BAZ2B: variants seen among roughly 807,000 people sequenced by gnomAD.
The protein encoded by BAZ2B is bromodomain adjacent to zinc finger domain 2B, also known as bromodomain adjacent to zinc finger domain protein 2B.
Under a neutral mutation model 246.0 loss-of-function variants are expected in BAZ2B, and 91 were observed. The ratio of observed to expected loss-of-function variants is 0.37; its 90% CI spans 0.31 to 0.44. The LOEUF (loss-of-function observed/expected upper bound fraction) is 0.44, where lower values mean the gene tolerates loss of function less well. Ranked by LOEUF, BAZ2B falls within the 20% of genes least tolerant of loss-of-function variation. The pLI is 1.00. For missense variants in BAZ2B, 2,332 were observed against 2,533.7 expected (o/e 0.92, Z 1.71); for synonymous variants, 855 against 860.0 (o/e 0.99, Z 0.10).
rs765407135 is a variant in BAZ2B at position 159,446,953 on chromosome 2, T to C, written c.525A>G (p.Gly175=). 1 of 1,584,256 alleles carries C rather than the reference T, an allele frequency of 6.3e-7. No homozygotes were observed. Among genetic ancestry groups the C allele is most frequent in the Non-Finnish European group, 8.6e-7 (1 of 1,167,944 alleles). ...TACCAATTACAGATGATGTATTACTTCCATTTATTGACCCATTTACACCTT... is the reference window on the plus strand; with the variant it reads ...TACCAATTACAGATGATGTATTACTCCCATTTATTGACCCATTTACACCTT... ...PEKGVNGSIN[G]SNTSSVIGIN... The change falls in exon 6 of 37, where the codon GGA becomes GGG. Residue 175 remains glycine, a synonymous_variant. Coordinates refer to ENST00000392783, the MANE Select transcript of BAZ2B (RefSeq NM_013450.4).
At chr2:159,573,757 T>C (rs1377385471) in intron 1 of BAZ2B, among the ~76,000 whole-genome samples, 5 of 152,056 alleles carry the variant, frequency 3.3e-5, no homozygotes, top group Non-Finnish European at 5.9e-5. Context: ...CTGAAGACAG[T>C]TGTATCCAAA....
the BAZ2B span, among the ~76,000 whole-genome samples, chr2:159,706,630 T>C: frequency 6.6e-6 from 1 of 152,374 alleles, no homozygotes; most frequent in African/African-American, 2.4e-5. Flanking sequence ...TTTTATGGTT[T>C]ACTCCAGAGG....
chr2:159,626,149 C>T, the BAZ2B span, among the ~76,000 whole-genome samples: 1 of 152,066 alleles, frequency 6.6e-6, no homozygotes, highest in Non-Finnish European at 1.5e-5. Flanking sequence ...TATATATGCA[C>T]CCAATACATG....
intron 2 of BAZ2B, among the ~76,000 whole-genome samples, chr2:159,481,339 G>A (rs1204563420): frequency 1.3e-5 from 2 of 151,762 alleles, no homozygotes; most frequent in Non-Finnish European, 2.9e-5. Flanking sequence ...TTACCATATC[G>A]TAAGAACTAG....
chr2:159,694,216 T>G, the BAZ2B span: 1 of 152,082 alleles, frequency 6.6e-6, no homozygotes, highest in East Asian at 1.9e-4. Context: ...AAGTTAGCCA[T>G]CTACAAGCCA....
chr2:159,656,849 T>C, the BAZ2B span, among the ~76,000 whole-genome samples: 2 of 152,176 alleles, frequency 1.3e-5, no homozygotes, highest in African/African-American at 2.4e-5. Flanking sequence ...GTCTGTTTTC[T>C]TATTTTTGAA....
chr2:159,428,400 T>C lies in BAZ2B; in HGVS notation c.2275A>G (p.Ile759Val), dbSNP rs755016717. ...TGAAGGCGCCCTCCAAAGTTTCTTATTCTTGTCTCTCTCTGCCAGCTACAC... is the reference window on the plus strand; with the variant it reads ...TGAAGGCGCCCTCCAAAGTTTCTTACTCTTGTCTCTCTCTGCCAGCTACAC... Reference protein sequence around the residue: ...LEYGWQRETRIRNFGGRLQGE... With the variant: ...LEYGWQRETRVRNFGGRLQGE... Residue 759 changes from isoleucine (I) to valine (V), a missense_variant, in exon 12 of 37, where the codon ATA becomes GTA. Physicochemically the swap from Ile to Val is conservative, Grantham distance 29 (BLOSUM62 3). This residue lies in a region of BAZ2B where 651 missense variants were observed against 650.9 expected (regional missense o/e 1.00). Coordinates refer to ENST00000392783, the MANE Select transcript of BAZ2B (RefSeq NM_013450.4). The C allele has an allele frequency of 5.6e-6, 9 of 1,613,104 alleles. No individual in the cohort carries two copies. Among genetic ancestry groups the C allele is most frequent in the Middle Eastern group, 1.7e-4 (1 of 6,058 alleles).
intron 20 of BAZ2B, among the ~76,000 whole-genome samples, chr2:159,394,045 T>C (rs2063673807): frequency 6.6e-6 from 1 of 151,996 alleles, no homozygotes; most frequent in South Asian, 2.1e-4. Context: ...TGCCTAAAGA[T>C]AACGTTCTGG....
At chr2:159,595,510 T>G (rs750455460) in intron 1 of BAZ2B, among the ~76,000 whole-genome samples, 3 of 152,190 alleles carry the variant, frequency 2.0e-5, no homozygotes, top group East Asian at 3.8e-4. Context: ...AAAAGTGGTG[T>G]TGTGTGTGCT....
chr2:159,414,396 A>T (rs2067305661), intron 13 of BAZ2B, among the ~76,000 whole-genome samples: 1 of 152,248 alleles, frequency 6.6e-6, no homozygotes, highest in Non-Finnish European at 1.5e-5. Flanking sequence ...ATAATTTATC[A>T]TACATTTAAA....
Position 159,349,256 on chromosome 2 carries a change from C to T in BAZ2B, c.4888G>A (p.Gly1630Arg). The T allele has an allele frequency of 1.2e-6, 2 of 1,612,244 alleles. No homozygotes were observed. The highest frequency in any genetic ancestry group is 1.7e-6 in the Non-Finnish European group (2 of 1,178,760). Residue 1630 changes from glycine (G) to arginine (R), a missense_variant, in exon 29 of 37, where the codon GGA becomes AGA. Gly to Arg is a moderately radical substitution (Grantham distance 125). This residue lies in a region of BAZ2B where 676 missense variants were observed against 668.6 expected (regional missense o/e 1.01). Coordinates refer to ENST00000392783, the MANE Select transcript of BAZ2B (RefSeq NM_013450.4). ...LQVKGGVSMM[G>R]LQFCGWPTGV... ...GTGGGCCATCCACAAAACTGAAGTC[C>T]CATCATAGATACTCCACCTTTCACC...
intron 34 of BAZ2B, among the ~76,000 whole-genome samples, chr2:159,328,069 CGAAAAAAAAAAA>C (rs1483597226): frequency 5.4e-5 from 6 of 111,524 alleles, no homozygotes; most frequent in African/African-American, 1.2e-4. Context: ...AGCCTCAAAA[CGAAAAAAAAAAA>C]AAAAAAAAAA....
Position 159,606,881 on chromosome 2 carries a change from T to A in BAZ2B, c.-46+9361A>T, listed in dbSNP as rs185071553. On this transcript the variant is annotated intron_variant, in intron 1 of 36. Coordinates refer to ENST00000392783, the MANE Select transcript of BAZ2B (RefSeq NM_013450.4). ...ATACATTTGTGTTTTGAAAATTTTT[T>A]AAATCTTTCCTTTTTCATACTCTTT... 2.9e-3 allele frequency among the ~76,000 whole-genome samples: 436 copies of A among 151,640 alleles called. No individual in the cohort carries two copies. In the Middle Eastern group the frequency reaches 0.045, roughly 15 times the overall value.
chr2:159,454,493 A>T (rs536346633), intron 3 of BAZ2B, among the ~76,000 whole-genome samples: 1 of 152,314 alleles, frequency 6.6e-6, no homozygotes, highest in Admixed American at 6.5e-5. Flanking sequence ...TACTGAACTG[A>T]ATACTTCAGG....
At chr2:159,402,031 T>TTC (rs2065154133) in intron 16 of BAZ2B, among the ~76,000 whole-genome samples, 1 of 152,180 alleles carries the variant, frequency 6.6e-6, no homozygotes, top group South Asian at 2.1e-4. Flanking sequence ...CCCTGCAGGA[T>TTC]TCTACTGCAG....
chr2:159,613,221 A>G (rs985602046), intron 1 of BAZ2B, among the ~76,000 whole-genome samples: 1 of 152,158 alleles, frequency 6.6e-6, no homozygotes, highest in Non-Finnish European at 1.5e-5. Flanking sequence ...TGATGCCAGC[A>G]GTATTCCAAT....
chr2:159,685,671 T>A, the BAZ2B span, among the ~76,000 whole-genome samples: 1 of 150,696 alleles, frequency 6.6e-6, no homozygotes, highest in African/African-American at 2.4e-5. Flanking sequence ...TGGCCAATGC[T>A]GGAATAATTT....
intron 14 of BAZ2B, among the ~76,000 whole-genome samples, chr2:159,410,171 T>G (rs1178533272): frequency 6.6e-6 from 1 of 152,128 alleles, no homozygotes; most frequent in Non-Finnish European, 1.5e-5. Flanking sequence ...TTCAGAAGGG[T>G]CAATAGCTTA....
At chr2:159,489,830 T>G (rs933461699) in intron 2 of BAZ2B, among the ~76,000 whole-genome samples, 1 of 152,152 alleles carries the variant, frequency 6.6e-6, no homozygotes, top group Non-Finnish European at 1.5e-5. Context: ...GGAGGACTGC[T>G]TAAGCCCAGG....
Sources: gnomAD v4.1 joint callset for allele counts (sites outside exome capture counted in the v4.1 genomes callset) on GRCh38, gnomAD v4.1.1 for gene constraint, gnomAD v4.1.1 regional missense constraint, MANE v1.5 for transcripts, NCBI Gene and HGNC (gene_info 2026-07-23, HGNC 2026-07-21) for gene names.